NRBP2: variants seen among roughly 807,000 people sequenced by gnomAD.
NRBP2 encodes the protein nuclear receptor binding protein 2, also known as nuclear receptor-binding protein 2.
In NRBP2, 47 loss-of-function variants were observed where a neutral mutation model predicts 74.4. That is an observed-to-expected ratio of 0.63 (90% CI 0.50 to 0.81). NRBP2 has a LOEUF of 0.81. NRBP2 is among the 30% of genes least tolerant of loss of function. The pLI, the probability that NRBP2 is intolerant of heterozygous loss-of-function variation, is 0.00. For synonymous variants in NRBP2, 312 were observed against 273.8 expected (o/e 1.14, Z -1.38); for missense variants, 613 against 690.1 (o/e 0.89, Z 1.25).
At chr8:143,838,039 C>T in intron 10 of NRBP2, 1 of 667,152 alleles carries the variant, frequency 1.5e-6, no homozygotes, top group Non-Finnish European at 2.7e-6. Flanking sequence ...CACCTGCAAG[C>T]CTCCTACCCA....
downstream of NRBP2, among the ~76,000 whole-genome samples, chr8:143,831,616 G>A (rs1261728060): frequency 2.6e-5 from 4 of 152,128 alleles, no homozygotes; most frequent in African/African-American, 9.7e-5. Flanking sequence ...GCCAGACCCT[G>A]TCTCAAAAAA....
rs1554652041 is a variant in NRBP2, at chr8:143,837,143, C to T, written c.1159G>A (p.Ala387Thr). ...CGGGGCAGCCCCAGGGGTCGAGTGG[C>T]TGCAAAGTTCATCAGTGGGTAGATT... Reference protein sequence around the residue: ...NGIYPLMNFAATRPLGLPRVL... With the variant: ...NGIYPLMNFATTRPLGLPRVL... The change falls in exon 14 of 18, where the codon GCC (alanine) becomes ACC (threonine). Residue 387 changes from alanine (A) to threonine (T), a missense_variant. Transcript: ENST00000442628. This position sits in a 1 kb window ranked among gnomAD's most constrained non-coding sequence, Gnocchi z 4.3. The T allele has an allele frequency of 6.2e-7, 1 of 1,612,268 alleles. No homozygotes were observed. The highest frequency in any genetic ancestry group is 2.2e-5 in the East Asian group (1 of 44,814).
rs887767897 is a variant in NRBP2, at chr8:143,835,105, C to A, written c.*557G>T. 3.2e-5 allele frequency: 5 copies of A among 158,640 alleles called. No homozygotes were observed. The highest frequency in any genetic ancestry group is 4.2e-5 in the Non-Finnish European group (3 of 72,142). The allele number at this position is 158,640 out of a possible 1,614,324, so 9.8% of individuals were successfully genotyped here. A position where few individuals can be genotyped will look rare whatever the true frequency, so the allele number is the denominator to read the frequency against. On this transcript the variant is annotated 3_prime_UTR_variant, in exon 18 of 18. Transcript: ENST00000442628. This position sits in a 1 kb window ranked among gnomAD's most constrained non-coding sequence, Gnocchi z 4.9. The stretch of plus-strand genomic sequence containing the variant: ...GCTGACAACAGCCTCAACTCCAGAC[C>A]TCTCTGTGGTCTGTTTCTCCTGCCA...
Position 143,839,993 on chromosome 8 carries a change from A to C in NRBP2, c.290T>G (p.Val97Gly). The change falls in exon 3 of 18, where the codon GTG (valine) becomes GGG (glycine). Residue 97 changes from valine to glycine, a missense_variant. Physicochemically the swap from Val to Gly is moderately radical, Grantham distance 109. Around this residue, in one of 2 missense-constraint regions of NRBP2, gnomAD observed 332 missense variants for 429.2 expected, o/e 0.77. Transcript: ENST00000442628. This position sits in a 1 kb window ranked among gnomAD's most constrained non-coding sequence, Gnocchi z 5.1. ...IQTVFEQLVL[V>G]DHPNIVKLHK... ...CAACTTCACGATGTTCGGGTGGTCC[A>C]CCAGCACCAGCTGCTCGAACACGGT... is the stretch of plus-strand genomic sequence containing the variant. The C allele has an allele frequency of 1.3e-6, 2 of 1,536,154 alleles. No individual in the cohort carries two copies. The highest frequency in any genetic ancestry group is 1.7e-6 in the Non-Finnish European group (2 of 1,146,894).
rs552508913 is a variant in NRBP2 at position 143,834,996 on chromosome 8, G to C, written c.*666C>G. ...CTGCAGTGGCCAGAGGAGATCTGCAGAGGGGCTGCAAGTTCTGGTCTCAGG... is the reference window on the plus strand; with the variant it reads ...CTGCAGTGGCCAGAGGAGATCTGCACAGGGGCTGCAAGTTCTGGTCTCAGG... On this transcript the variant is annotated 3_prime_UTR_variant, in exon 18 of 18. Transcript: ENST00000442628. The C allele has an allele frequency of 6.5e-6, 1 of 152,992 alleles. No homozygotes were observed. The highest frequency in any genetic ancestry group is 1.5e-5 in the Non-Finnish European group (1 of 68,494). 9.5% of individuals were successfully genotyped at this position (152,992 alleles called of 1,614,324 possible).
rs1280363204 is a variant in NRBP2, at chr8:143,838,097, G to C, written c.841-342C>G. The C allele has an allele frequency of 2.0e-5, 11 of 539,954 alleles. No individual in the cohort carries two copies. In the African/African-American group the frequency reaches 2.1e-4, roughly 10 times the overall value. 33.4% of individuals were successfully genotyped at this position (539,954 alleles called of 1,614,324 possible). ...CGGGCCCAACACTGGAGACGACCTT[G>C]ATGGGTCCCCACTCTGTCCACATCC... On this transcript the variant is annotated intron_variant, in intron 10 of 17. Transcript: ENST00000442628.
rs149352521 is a variant in NRBP2 at position 143,837,456 on chromosome 8, C to T, written c.1027G>A (p.Ala343Thr). ...GGCCGGGGAAGCTCCGCCAAGACCG[C>T]GTGCAGGTCCATGGCCTTGGTCTTC... ...EEKTKAMDLHAVLAELPRPRR... is the reference protein window; with the variant it reads ...EEKTKAMDLHTVLAELPRPRR... Residue 343 changes from alanine to threonine, a missense_variant, in exon 12 of 18, where the codon GCG becomes ACG. Physicochemically the swap from Ala to Thr is moderately conservative, Grantham distance 58. Around this residue, in one of 2 missense-constraint regions of NRBP2, gnomAD observed 281 missense variants for 260.9 expected, o/e 1.08. Coordinates refer to ENST00000442628, the MANE Select transcript of NRBP2 (RefSeq NM_178564.4). This position sits in a 1 kb window ranked among gnomAD's most constrained non-coding sequence, Gnocchi z 4.3. 2.2e-5 allele frequency: 36 copies of T among 1,610,376 alleles called. No homozygotes were observed. The highest frequency in any genetic ancestry group is 4.5e-5 in the East Asian group (2 of 44,798).
chr8:143,840,647 C>A lies in NRBP2; in HGVS notation c.129+59G>T. On this transcript the variant is annotated intron_variant, in intron 1 of 17. Transcript: ENST00000442628. The surrounding 1 kb of genome is among the most constrained non-coding windows in gnomAD (Gnocchi z 5.7). ...AGCGCCCCCACGCCCCGCGCAGCCT[C>A]CAGGCCCCTCCCGCTCTGGGAGGGC... is the stretch of plus-strand genomic sequence containing the variant. 1 of 1,400,892 alleles carries A rather than the reference C, an allele frequency of 7.1e-7. No homozygotes were observed. Among genetic ancestry groups the A allele is most frequent in the Non-Finnish European group, 9.4e-7 (1 of 1,067,700 alleles). The allele number at this position is 1,400,892 out of a possible 1,614,324, so 86.8% of individuals were successfully genotyped here.
rs556715723 is a variant in NRBP2 at position 143,836,758 on chromosome 8, G to A, written c.1263+281C>T. ...ATTGCTGGCAGGGTGGAAGAGCCCGGGTGAGTTCTGGAGGAAGGATGCTTG... is the reference window on the plus strand; with the variant it reads ...ATTGCTGGCAGGGTGGAAGAGCCCGAGTGAGTTCTGGAGGAAGGATGCTTG... On this transcript the variant is annotated intron_variant, in intron 14 of 17. Transcript: ENST00000442628. Among the ~76,000 whole-genome samples the A allele has an allele frequency of 9.2e-5, 14 of 151,772 alleles. No individual in the cohort carries two copies. In the South Asian group the frequency reaches 2.9e-3, roughly 32 times the overall value.
rs1554650908 is a variant in NRBP2 at position 143,834,281 on chromosome 8, G to C, written c.*1381C>G. ...ACAGACTGAACCTGCTAGCTCTGAA[G>C]ATGGAGGAGGGGGCCAAGAGCCAAG... On this transcript the variant is annotated 3_prime_UTR_variant, in exon 18 of 18. Coordinates refer to ENST00000442628, the MANE Select transcript of NRBP2 (RefSeq NM_178564.4). The C allele has an allele frequency of 1.3e-5, 2 of 152,246 alleles. No individual in the cohort carries two copies. The highest frequency in any genetic ancestry group is 4.8e-5 in the African/African-American group (2 of 41,462). The allele number at this position is 152,246 out of a possible 1,614,324, so 9.4% of individuals were successfully genotyped here.
Position 143,840,063 on chromosome 8 carries a change from C to G in NRBP2, c.253-33G>C. 6.5e-7 allele frequency: 1 copy of G among 1,536,142 alleles called. No homozygotes were observed. The highest frequency in any genetic ancestry group is 8.7e-7 in the Non-Finnish European group (1 of 1,146,910). On this transcript the variant is annotated intron_variant, in intron 2 of 17. Transcript: ENST00000442628. The surrounding 1 kb of genome is among the most constrained non-coding windows in gnomAD (Gnocchi z 5.7). ...GGGAGGGTGGTCGCTGGGTGGTCAG[C>G]AGGTGGTCACCCAAGCAGGATGAGG... is the stretch of plus-strand genomic sequence containing the variant.
At chr8:143,836,276 G>A (rs902522190) in intron 14 of NRBP2, 96 bp from the exon 15 acceptor site, 2 of 1,420,182 alleles carry the variant, frequency 1.4e-6, no homozygotes, top group Admixed American at 3.2e-5. Context: ...GACTGGAAAG[G>A]GGGGAATCTC....
In NRBP2 at chr8:143,835,505, G is replaced by C. The variant is rs1461777558; in HGVS notation, c.*157C>G. On this transcript the variant is annotated 3_prime_UTR_variant, in exon 18 of 18. Transcript: ENST00000442628. This position sits in a 1 kb window ranked among gnomAD's most constrained non-coding sequence, Gnocchi z 4.9. ...CCAACCCCTCGGCGCCCAAGGCAGGGTCAGCCCCACTCTCAGGAGACGGGG... is the reference window on the plus strand; with the variant it reads ...CCAACCCCTCGGCGCCCAAGGCAGGCTCAGCCCCACTCTCAGGAGACGGGG... The C allele has an allele frequency of 2.7e-5, 19 of 715,120 alleles. No individual in the cohort carries two copies. In the East Asian group the frequency reaches 5.0e-4, roughly 19 times the overall value. The allele number at this position is 715,120 out of a possible 1,614,324, so 44.3% of individuals were successfully genotyped here.
In NRBP2 at chr8:143,839,429, A is replaced by G. The variant is rs1818590454; in HGVS notation, c.486-21T>C. On this transcript the variant is annotated intron_variant, in intron 5 of 17. Transcript: ENST00000442628. The surrounding 1 kb of genome is among the most constrained non-coding windows in gnomAD (Gnocchi z 5.1). Reference sequence around the variant, plus strand: ...GGAAGCTGCAGACGTTGGGGAGGGGAGAGTAGGAGGAGCCGGTCAGGAGGC... The same window carrying G: ...GGAAGCTGCAGACGTTGGGGAGGGGGGAGTAGGAGGAGCCGGTCAGGAGGC... 6.5e-7 allele frequency: 1 copy of G among 1,543,602 alleles called. No individual in the cohort carries two copies. The highest frequency in any genetic ancestry group is 2.4e-5 in the East Asian group (1 of 41,372).
chr8:143,839,066 A>AGC lies in NRBP2; in HGVS notation c.637_638dup (p.Glu214LeufsTer62). 1 of 1,533,982 alleles carries AGC rather than the reference A, an allele frequency of 6.5e-7. No homozygotes were observed. Among genetic ancestry groups the AGC allele is most frequent in the Non-Finnish European group, 8.7e-7 (1 of 1,143,576 alleles). On this transcript the variant is annotated frameshift_variant, in exon 8 of 18. Transcript: ENST00000442628. LOFTEE classifies it high-confidence loss of function. This position sits in a 1 kb window ranked among gnomAD's most constrained non-coding sequence, Gnocchi z 5.1. Reference sequence around the variant, plus strand: ...GCAGGTTCCGAAGTTCCTCTCGCTCAGCGCGGATGGGGCTTCGGAGATCAT... The same window carrying AGC: ...GCAGGTTCCGAAGTTCCTCTCGCTCAGCGCGCGGATGGGGCTTCGGAGATCAT...
chr8:143,837,499 A>G lies in NRBP2; in HGVS notation c.984T>C (p.Pro328=). 6.2e-7 allele frequency: 1 copy of G among 1,610,136 alleles called. No homozygotes were observed. The highest frequency in any genetic ancestry group is 8.5e-7 in the Non-Finnish European group (1 of 1,178,672). The change falls in exon 12 of 18, where the codon CCT becomes CCC. Residue 328 remains proline (P), a synonymous_variant. Coordinates refer to ENST00000442628, the MANE Select transcript of NRBP2 (RefSeq NM_178564.4). This position sits in a 1 kb window ranked among gnomAD's most constrained non-coding sequence, Gnocchi z 4.3. The stretch of plus-strand genomic sequence containing the variant: ...TGGTCTTCTCCTCCACCACATTCTC[A>G]GGCATGAGGTCTGCGGCCACAAGAG... ...HCFIQHQYLM[P]ENVVEEKTKA... is the part of the protein sequence containing the mutation.
chr8:143,836,450 C>A (rs571405894), intron 14 of NRBP2, among the ~76,000 whole-genome samples: 5 of 151,760 alleles, frequency 3.3e-5, no homozygotes, highest in Admixed American at 6.6e-5. Flanking sequence ...GGAGGTTGGG[C>A]GGGACAGGAC....
rs554411701 is a variant in NRBP2 at position 143,837,201 on chromosome 8, G to T, written c.1128-27C>A. On this transcript the variant is annotated intron_variant, in intron 13 of 17. Transcript: ENST00000442628. This position sits in a 1 kb window ranked among gnomAD's most constrained non-coding sequence, Gnocchi z 4.3. The stretch of plus-strand genomic sequence containing the variant: ...TGGGGACACAACAGGGTGGCTGGGG[G>T]TTCAGGCCTGACAGCTGCCTGGCCC... The T allele has an allele frequency of 1.2e-5, 19 of 1,613,882 alleles. No homozygotes were observed. The highest frequency in any genetic ancestry group is 2.7e-5 in the African/African-American group (2 of 75,028).
Position 143,838,692 on chromosome 8 carries a change from G to T in NRBP2, c.828C>A (p.Asp276Glu). Reference protein sequence around the residue: ...AIARARHSLSDPNMREFILCC... With the variant: ...AIARARHSLSEPNMREFILCC... ...GCAAGCTGCTTACCCGCATGTTGGG[G>T]TCACTCAGCGAGTGCCTGGCGCGAG... is the stretch of plus-strand genomic sequence containing the variant. Residue 276 changes from aspartate (D) to glutamate (E), a missense_variant, in exon 10 of 18, where the codon GAC becomes GAA. Asp to Glu is a conservative substitution (Grantham distance 45). This residue lies in a region of NRBP2 where 332 missense variants were observed against 429.2 expected (regional missense o/e 0.77). Coordinates refer to ENST00000442628, the MANE Select transcript of NRBP2 (RefSeq NM_178564.4). 1 of 1,609,214 alleles carries T rather than the reference G, an allele frequency of 6.2e-7. No individual in the cohort carries two copies. Among genetic ancestry groups the T allele is most frequent in the Non-Finnish European group, 8.5e-7 (1 of 1,177,684 alleles).
Sources: gnomAD v4.1 joint callset for allele counts (sites outside exome capture counted in the v4.1 genomes callset) on GRCh38, gnomAD v4.1.1 for gene constraint, gnomAD v4.1.1 regional missense constraint, Gnocchi (gnomAD v3.1) non-coding constraint, MANE v1.5 for transcripts, NCBI Gene and HGNC (gene_info 2026-07-23, HGNC 2026-07-21) for gene names.